The following UPF2 variants were observed in gnomAD, a reference collection of about 807,000 sequenced individuals.
UPF2 encodes the protein regulator of nonsense transcripts 2.
A neutral mutation model predicts 141.4 loss-of-function variants in UPF2; 17 were observed. The ratio of observed to expected loss-of-function variants is 0.12; its 90% CI spans 0.08 to 0.18. The LOEUF (loss-of-function observed/expected upper bound fraction) is 0.18. UPF2 is among the 10% of genes least tolerant of loss of function. The pLI is 1.00. For missense variants in UPF2, 1,152 were observed against 1,515.9 expected (o/e 0.76, Z 3.99); for synonymous variants, 540 against 498.0 (o/e 1.08, Z -1.12).
chr10:11,936,702 C>T lies in UPF2; in HGVS notation c.3389G>A (p.Gly1130Asp). The change falls in exon 19 of 22, where the codon GGT (glycine) becomes GAT (aspartate). Residue 1130 changes from glycine (G) to aspartate (D), a missense_variant. Gly to Asp is a moderately conservative substitution (Grantham distance 94). Transcript: ENST00000357604. This position sits in a 1 kb window ranked among gnomAD's most constrained non-coding sequence, Gnocchi z 6.6. ...TAGTTGGTGCACTTTAACAGATTCA[C>T]CACTTCGTTGCTAAAAGAAATTAAA... is the stretch of plus-strand genomic sequence containing the variant. ...MMLENLQQRS[G>D]ESVKVHQLDV... The T allele has an allele frequency of 6.2e-7, 1 of 1,604,184 alleles. No individual in the cohort carries two copies. The highest frequency in any genetic ancestry group is 8.5e-7 in the Non-Finnish European group (1 of 1,175,940).
chr10:12,023,471 G>A (rs1430398637), intron 3 of UPF2, among the ~76,000 whole-genome samples: 7 of 145,922 alleles, frequency 4.8e-5, no homozygotes, highest in South Asian at 2.1e-4. Context: ...TCAAGAGATC[G>A]AGACCATCCT....
intron 4 of UPF2, among the ~76,000 whole-genome samples, chr10:12,005,864 C>T (rs1834027161): frequency 6.6e-6 from 1 of 151,832 alleles, no homozygotes; most frequent in South Asian, 2.1e-4. Context: ...AGCCACCACG[C>T]CCAGCGTTTA....
intron 3 of UPF2, among the ~76,000 whole-genome samples, chr10:12,026,845 G>A (rs865859962): frequency 1.1e-4 from 17 of 152,024 alleles, no homozygotes; most frequent in Middle Eastern, 3.4e-3. Context: ...TAGAGACGGG[G>A]TTTCACCATG....
chr10:11,990,292 G>A (rs947639027), intron 8 of UPF2, among the ~76,000 whole-genome samples: 1 of 152,086 alleles, frequency 6.6e-6, no homozygotes, highest in African/African-American at 2.4e-5. Flanking sequence ...CCATATTCCT[G>A]ACATACAACA....
chr10:12,041,809 C>A (rs1432801542), intron 1 of UPF2, among the ~76,000 whole-genome samples: 1 of 152,170 alleles, frequency 6.6e-6, no homozygotes, highest in Non-Finnish European at 1.5e-5. Context: ...TGTTAAGGAA[C>A]ACCTAAGAAC....
At position 11,949,159 on chromosome 10, in the gene UPF2, T is replaced by C. The variant is rs528479942; in HGVS notation, c.3035-651A>G. Among the ~76,000 whole-genome samples, 4 of 152,324 alleles carry C rather than the reference T, an allele frequency of 2.6e-5. No homozygotes were observed. The East Asian group carries it at 7.7e-4, about 29-fold the overall frequency. ...CATTTCACTGCCCAGTCAATTCTTCTTCCTGTTGGAATTCCAATCCACCCT... is the reference window on the plus strand; with the variant it reads ...CATTTCACTGCCCAGTCAATTCTTCCTCCTGTTGGAATTCCAATCCACCCT... On this transcript the variant is annotated intron_variant, in intron 15 of 21. Transcript: ENST00000357604.
chr10:11,929,840 A>T (rs780304169), intron 21 of UPF2, 25 bp downstream of exon 21: 1 of 1,612,188 alleles, frequency 6.2e-7, no homozygotes, highest in South Asian at 1.1e-5. Flanking sequence ...ACAAACAGCT[A>T]AGGAAGGAGT....
intron 16 of UPF2, among the ~76,000 whole-genome samples, chr10:11,943,483 G>A (rs139160985): frequency 6.6e-6 from 1 of 152,176 alleles, no homozygotes; most frequent in African/African-American, 2.4e-5. Context: ...CAAATCTGGA[G>A]AGGCTGAATG....
At chr10:12,013,519 C>T (rs1414683384) in intron 4 of UPF2, among the ~76,000 whole-genome samples, 5 of 152,162 alleles carry the variant, frequency 3.3e-5, no homozygotes, top group South Asian at 2.1e-4. Context: ...GTGATCCTCC[C>T]GCCTCGGCCT....
At chr10:11,994,229 G>C (rs1248177411) in intron 8 of UPF2, among the ~76,000 whole-genome samples, 1 of 151,816 alleles carries the variant, frequency 6.6e-6, no homozygotes, top group Non-Finnish European at 1.5e-5. Context: ...GAGGAGAAAA[G>C]AGGAAGTACA....
rs1296435324 is a variant in UPF2 at position 11,935,954 on chromosome 10, C to T, written c.3546+591G>A. On this transcript the variant is annotated intron_variant, in intron 19 of 21. Transcript: ENST00000357604. The surrounding 1 kb of genome is among the most constrained non-coding windows in gnomAD (Gnocchi z 4.9). ...GGTGTGATTTTCAACTGACGGCAGC[C>T]GAGCCTCTTCCTGAGCTGCATCGGT... Among the ~76,000 whole-genome samples, 4 of 152,148 alleles carry T rather than the reference C, an allele frequency of 2.6e-5. No individual in the cohort carries two copies. The highest frequency in any genetic ancestry group is 9.7e-5 in the African/African-American group (4 of 41,434).
At chr10:11,938,871 T>TTTTG (rs1832898504) in intron 18 of UPF2, among the ~76,000 whole-genome samples, 1 of 107,562 alleles carries the variant, frequency 9.3e-6, no homozygotes, top group Non-Finnish European at 1.9e-5. Context: ...TTTTTTTTTT[T>TTTTG]TTTTTTTTTT....
intron 8 of UPF2, among the ~76,000 whole-genome samples, chr10:11,995,450 T>C (rs1049387129): frequency 2.6e-5 from 4 of 152,172 alleles, no homozygotes; most frequent in African/African-American, 9.7e-5. Flanking sequence ...CATGGCCTCC[T>C]TCCTGCAGTT....
intron 21 of UPF2, chr10:11,928,722 A>C (rs1314846373): frequency 8.4e-6 from 3 of 357,398 alleles, no homozygotes; most frequent in African/African-American, 4.5e-5. Flanking sequence ...AAAAAAAAAA[A>C]CTAAAAACCA....
chr10:11,971,527 C>A (rs1459580577), intron 9 of UPF2, among the ~76,000 whole-genome samples: 1 of 152,170 alleles, frequency 6.6e-6, no homozygotes, highest in Non-Finnish European at 1.5e-5. Context: ...GCTGGGATTA[C>A]AGGCGTGAGC....
chr10:11,922,016 A>G (rs900169451), intron 21 of UPF2, among the ~76,000 whole-genome samples: 4 of 152,132 alleles, frequency 2.6e-5, no homozygotes, highest in Non-Finnish European at 5.9e-5. Flanking sequence ...GCATCTCTAT[A>G]AAAAGGGAAA....
intron 18 of UPF2, among the ~76,000 whole-genome samples, chr10:11,938,853 GTTTTTTTTTTTTTTTTTTTTT>G (rs58106776): frequency 1.3e-5 from 1 of 79,816 alleles, no homozygotes; most frequent in East Asian, 3.6e-4. Flanking sequence ...TTTTTTTTTT[GTTTTTTTTTTTTTTTTTTTTT>G]TTTTTTTTGG....
chr10:12,019,575 ACAGT>A lies in UPF2; in HGVS notation c.1146-5395_1146-5392del, dbSNP rs1834281553. On this transcript the variant is annotated intron_variant, in intron 3 of 21. Transcript: ENST00000357604. This position sits in a 1 kb window ranked among gnomAD's most constrained non-coding sequence, Gnocchi z 4.5. ...TACTTGTCCCCTTTTACAGATATAA[ACAGT>A]AAGTAATGAGAACAAAATCTATGCC... 6.6e-6 allele frequency among the ~76,000 whole-genome samples: 1 copy of A among 152,212 alleles called. No individual in the cohort carries two copies. The highest frequency in any genetic ancestry group is 2.4e-5 in the African/African-American group (1 of 41,458).
rs750570813 is a variant in UPF2, at chr10:11,953,404, CT to C, written c.2851-1156del. 9.6e-4 allele frequency among the ~76,000 whole-genome samples: 146 copies of C among 152,276 alleles called. 1 individual carries two copies. Among genetic ancestry groups the C allele is most frequent in the Non-Finnish European group, 6.9e-4 (47 of 68,022 alleles). Reference sequence around the variant, plus strand: ...CTCCAGGGGATCCTTTCTTCCTGACCTTCTAATACTAAACTGTACACTCCAT... The same window carrying C: ...CTCCAGGGGATCCTTTCTTCCTGACCTCTAATACTAAACTGTACACTCCAT... On this transcript the variant is annotated intron_variant, in intron 14 of 21. Transcript: ENST00000357604. The surrounding 1 kb of genome is among the most constrained non-coding windows in gnomAD (Gnocchi z 5.0).
Sources: allele counts gnomAD v4.1 joint callset (sites outside exome capture counted in the v4.1 genomes callset), GRCh38; gene constraint gnomAD v4.1.1; non-coding constraint Gnocchi (gnomAD v3.1); transcripts MANE v1.5; gene names NCBI Gene and HGNC (gene_info 2026-07-23, HGNC 2026-07-21).